Variants in CAMTA1 observed in about 807,000 individuals in gnomAD.
CAMTA1 encodes calmodulin binding transcription activator 1.
Under a neutral mutation model 170.9 loss-of-function variants are expected in CAMTA1, and 27 were observed. The ratio of observed to expected loss-of-function variants is 0.16; its 90% CI spans 0.12 to 0.22. The LOEUF is 0.22. Ranked by LOEUF, CAMTA1 falls within the 10% of genes least tolerant of loss-of-function variation. The pLI is 1.00. For synonymous variants in CAMTA1, 833 were observed against 891.5 expected, an observed-to-expected ratio of 0.93 and a Z score of 1.17; for missense variants, 1,619 against 2,217.2, an observed-to-expected ratio of 0.73 and a Z score of 5.42.
At chr1:7,143,162 G>A (rs1177479126) in intron 4 of CAMTA1, among the ~76,000 whole-genome samples, 1 of 152,158 alleles carries the variant, frequency 6.6e-6, no homozygotes, top group Non-Finnish European at 1.5e-5. Flanking sequence ...ATGGTGGAAG[G>A]TGGGGTCGTC....
At chr1:7,507,503 A>G (rs1575702753) in intron 6 of CAMTA1, among the ~76,000 whole-genome samples, 1 of 152,292 alleles carries the variant, frequency 6.6e-6, no homozygotes, top group African/African-American at 2.4e-5. Flanking sequence ...AAACCCCAAC[A>G]TTCCCAGGAG....
chr1:6,866,917 G>A (rs568679654), intron 3 of CAMTA1, among the ~76,000 whole-genome samples: 1 of 152,298 alleles, frequency 6.6e-6, no homozygotes, highest in East Asian at 1.9e-4. Context: ...AAGAAGACAA[G>A]CAGCTCAGGG....
At chr1:7,238,452 C>T (rs1664285275) in intron 4 of CAMTA1, among the ~76,000 whole-genome samples, 1 of 152,184 alleles carries the variant, frequency 6.6e-6, no homozygotes, top group African/African-American at 2.4e-5. Context: ...AGTTAATGTA[C>T]GTGAAGAATA....
chr1:7,703,159 T>G (rs777310418), intron 11 of CAMTA1, among the ~76,000 whole-genome samples: 86 of 152,176 alleles, frequency 5.7e-4, no homozygotes, highest in Admixed American at 1.8e-3. Flanking sequence ...TTGGTTCTGC[T>G]GAGAGCGTCA....
intron 3 of CAMTA1, among the ~76,000 whole-genome samples, chr1:7,078,086 A>G (rs1277486064): frequency 6.6e-6 from 1 of 152,232 alleles, no homozygotes; most frequent in African/African-American, 2.4e-5. Context: ...TGGCTACACA[A>G]AGACCAAGTG....
intron 5 of CAMTA1, among the ~76,000 whole-genome samples, chr1:7,310,191 G>T (rs144583662): frequency 6.6e-6 from 1 of 152,154 alleles, no homozygotes; most frequent in South Asian, 2.1e-4. Context: ...TATTTTTGCC[G>T]AATCTAGAAT....
At chr1:7,256,938 A>G (rs1462042703) in intron 5 of CAMTA1, among the ~76,000 whole-genome samples, 1 of 152,004 alleles carries the variant, frequency 6.6e-6, no homozygotes, top group African/African-American at 2.4e-5. Flanking sequence ...TTCTCACTGC[A>G]TCCTTACATG....
intron 5 of CAMTA1, among the ~76,000 whole-genome samples, chr1:7,395,755 A>AT (rs1425916825): frequency 1.3e-5 from 2 of 151,926 alleles, no homozygotes; most frequent in African/African-American, 2.4e-5. Context: ...TCTTATATCA[A>AT]TTTTTTTATA....
intron 6 of CAMTA1, among the ~76,000 whole-genome samples, chr1:7,473,413 C>T (rs963214281): frequency 1.3e-5 from 2 of 152,200 alleles, no homozygotes; most frequent in Non-Finnish European, 2.9e-5. Flanking sequence ...CGGGGCTCCC[C>T]CAAGGAGGAG....
At chr1:7,129,919 TTGTGTGTGTG>T (rs3058550) in intron 4 of CAMTA1, among the ~76,000 whole-genome samples, 7 of 147,038 alleles carry the variant, frequency 4.8e-5, no homozygotes, top group Middle Eastern at 3.2e-3. Context: ...CTACCTTCTT[TTGTGTGTGTG>T]TGTGTGTGTG....
intron 4 of CAMTA1, among the ~76,000 whole-genome samples, chr1:7,166,774 G>A (rs964078917): frequency 2.0e-5 from 3 of 148,104 alleles, no homozygotes; most frequent in African/African-American, 7.5e-5. Flanking sequence ...TCCTAATGGT[G>A]TCTTGGTGGG....
rs201500847 is a variant in CAMTA1 at position 6,997,656 on chromosome 1, C to CTTTT, written c.235-93645_235-93644insTTTT. On this transcript the variant is annotated intron_variant, in intron 3 of 22. Transcript: ENST00000303635. ...CTGTTTTCCATATTTCCTTTCTTTT[C>CTTTT]TTTCTTTTTTTTTTTTTTTTTGAGA... Among the ~76,000 whole-genome samples the CTTTT allele has an allele frequency of 5.7e-4, 73 of 128,358 alleles. 2 individuals are homozygous for CTTTT. The highest frequency in any genetic ancestry group is 9.9e-4 in the African/African-American group (30 of 30,376). 84.2% of individuals were successfully genotyped at this position (128,358 alleles called of 152,430 possible). A position where few individuals can be genotyped will look rare whatever the true frequency, so the allele number is the denominator to read the frequency against.
rs547643366 is a variant in CAMTA1 at position 6,925,175 on chromosome 1, C to T, written c.234+99965C>T. Among the ~76,000 whole-genome samples the T allele has an allele frequency of 5.9e-5, 9 of 152,328 alleles. No homozygotes were observed. In the South Asian group the frequency reaches 1.9e-3, roughly 32 times the overall value. On this transcript the variant is annotated intron_variant, in intron 3 of 22. Transcript: ENST00000303635. ...GGGACTTGGAGAAGCCATTTCTGAA[C>T]CTGCTCCATCCCTGCCTTGTCTCTA...
chr1:7,359,895 G>C (rs565229987), intron 5 of CAMTA1, among the ~76,000 whole-genome samples: 1 of 152,290 alleles, frequency 6.6e-6, no homozygotes, highest in African/African-American at 2.4e-5. Context: ...GCTTAAACAT[G>C]GGAAGTGCAT....
intron 3 of CAMTA1, among the ~76,000 whole-genome samples, chr1:6,911,854 A>G (rs758907030): frequency 7.2e-5 from 11 of 152,252 alleles, no homozygotes; most frequent in Non-Finnish European, 1.6e-4. Flanking sequence ...TGCATCAAGC[A>G]TATTCCTGGC....
At chr1:7,317,133 C>A (rs1677646070) in intron 5 of CAMTA1, among the ~76,000 whole-genome samples, 1 of 152,096 alleles carries the variant, frequency 6.6e-6, no homozygotes. Context: ...TGCTCCCTTG[C>A]CGGGGGTACA....
intron 6 of CAMTA1, among the ~76,000 whole-genome samples, chr1:7,626,702 T>C (rs1309638572): frequency 6.6e-6 from 1 of 152,148 alleles, no homozygotes; most frequent in Non-Finnish European, 1.5e-5. Flanking sequence ...CTGTCCTCAC[T>C]CTCTACCTGT....
intron 4 of CAMTA1, among the ~76,000 whole-genome samples, chr1:7,203,436 T>C (rs1657061742): frequency 6.6e-6 from 1 of 152,086 alleles, no homozygotes; most frequent in South Asian, 2.1e-4. Context: ...ATTTACATAT[T>C]TGGTAGAATT....
At chr1:7,147,552 A>G (rs1379725819) in intron 4 of CAMTA1, among the ~76,000 whole-genome samples, 1 of 151,846 alleles carries the variant, frequency 6.6e-6, no homozygotes, top group Non-Finnish European at 1.5e-5. Flanking sequence ...ATGCACACGC[A>G]AACACAAACA....
Sources: gnomAD v4.1 joint callset for allele counts (sites outside exome capture counted in the v4.1 genomes callset) on GRCh38, gnomAD v4.1.1 for gene constraint, MANE v1.5 for transcripts, NCBI Gene and HGNC (gene_info 2026-07-23, HGNC 2026-07-21) for gene names.